The following ALOX15 variants were observed in gnomAD, a reference collection of about 807,000 sequenced individuals.
The protein encoded by ALOX15 is arachidonate 15-lipoxygenase.
ALOX15 carries 68 observed loss-of-function variants against 71.7 expected under a neutral mutation model. The ratio of observed to expected loss-of-function variants is 0.95; its 90% CI spans 0.78 to 1.16. ALOX15 has a LOEUF of 1.16. ALOX15 is among the 50% of genes most tolerant of loss of function. The probability of loss-of-function intolerance (pLI) is 0.00; values close to 1 mark genes in which losing one functional copy is unlikely to be tolerated. For synonymous variants in ALOX15, 346 were observed against 333.3 expected, an observed-to-expected ratio of 1.04 and a Z score of -0.42; for missense variants, 798 against 818.8, an observed-to-expected ratio of 0.97 and a Z score of 0.31.
intron 2 of ALOX15, 63 bp from the exon 3 acceptor site, chr17:4,639,195 A>C: frequency 6.3e-7 from 1 of 1,590,696 alleles, no homozygotes; most frequent in Non-Finnish European, 8.6e-7. Flanking sequence ...TGTCTCTGCC[A>C]GGAGAGCCTC....
At chr17:4,632,327 G>A in intron 11 of ALOX15, 46 bp from the exon 12 acceptor site, 1 of 1,518,190 alleles carries the variant, frequency 6.6e-7, no homozygotes, top group Non-Finnish European at 9.1e-7. Context: ...CAGGAGTAGG[G>A]CAGCGCTCAG....
In ALOX15 at chr17:4,635,785, G is replaced by A; in HGVS notation, c.1135C>T (p.Leu379=). 2 of 1,614,220 alleles carry A rather than the reference G, an allele frequency of 1.2e-6. No individual in the cohort carries two copies. The highest frequency in any genetic ancestry group is 2.2e-5 in the South Asian group (2 of 91,078). Residue 379 remains leucine (L), a synonymous_variant, in exon 8 of 14, where the codon CTG becomes TTG. Coordinates refer to ENST00000293761, the MANE Select transcript of ALOX15 (RefSeq NM_001140.5). ...EVIVVATMRC[L]PSIHPIFKLI... ...TTGAAGATAGGATGTATCGACGGCA[G>A]GCACCTCATGGTGGCCACAACAATG...
At chr17:4,638,752 C>T (rs943843369) in intron 4 of ALOX15, 68 bp from the exon 5 acceptor site, 1 of 1,613,200 alleles carries the variant, frequency 6.2e-7, no homozygotes. Context: ...ACCACAGGCA[C>T]CGATCCTGGG....
Position 4,639,619 on chromosome 17 carries a change from T to C in ALOX15, c.148A>G (p.Lys50Glu), listed in dbSNP as rs768910071. ...CCCAGATACTCCGGTACTTCCACCT[T>C]GAGTTCTGTCTCCTGCGGGCGACAG... ...WPARGKETEL[K>E]VEVPEYLGPL... is the part of the protein sequence containing the mutation. Residue 50 changes from lysine (K) to glutamate (E), a missense_variant, in exon 2 of 14, where the codon AAG becomes GAG. By Grantham distance (56) the Lys-to-Glu change is moderately conservative. Transcript: ENST00000293761. 1.2e-6 allele frequency: 2 copies of C among 1,612,126 alleles called. No homozygotes were observed. The highest frequency in any genetic ancestry group is 3.3e-5 in the Admixed American group (2 of 59,756).
At position 4,633,168 on chromosome 17, in the gene ALOX15, G is replaced by T. The variant is rs144526853; in HGVS notation, c.1396C>A (p.Arg466=). 2.5e-6 allele frequency: 4 copies of T among 1,614,042 alleles called. No individual in the cohort carries two copies. Among genetic ancestry groups the T allele is most frequent in the Non-Finnish European group, 3.4e-6 (4 of 1,179,968 alleles). ...CACCGATAGATGATTTCCCAGAGCC[G>T]CAGCGCATCTTGGGCATAGAAGGAA... ...KSSFYAQDAL[R]LWEIIYRYVE... Residue 466 remains arginine, a synonymous_variant, in exon 10 of 14, where the codon CGG becomes AGG. Transcript: ENST00000293761.
rs780570555 is a variant in ALOX15 at position 4,633,378 on chromosome 17, AAGAC to A, written c.1248+32_1248+35del. On this transcript the variant is annotated intron_variant, in intron 9 of 13. Transcript: ENST00000293761. ...CTGCCCTGAATCCAGAGCTGGAAAA[AAGAC>A]AGACCCAGAATCTCCCTTTCTCTTC... is the stretch of plus-strand genomic sequence containing the variant. The A allele has an allele frequency of 2.4e-5, 38 of 1,611,980 alleles. No individual in the cohort carries two copies. In the East Asian group the frequency reaches 8.3e-4, roughly 35 times the overall value.
intron 7 of ALOX15, among the ~76,000 whole-genome samples, chr17:4,636,524 G>C (rs1382564745): frequency 6.6e-6 from 1 of 152,014 alleles, no homozygotes; most frequent in Non-Finnish European, 1.5e-5. Flanking sequence ...TCTCCATCCT[G>C]ATGGTCACTA....
rs965638006 is a variant in ALOX15 at position 4,633,505 on chromosome 17, A to G, written c.1162-5T>C. ...TCGCAGGTGGGGAATTATAAGCTAG[A>G]GGGAGAAACACAGGGAAGGGCAGAG... On this transcript the variant is annotated splice_polypyrimidine_tract_variant and splice_region_variant and intron_variant, in intron 8 of 13. Coordinates refer to ENST00000293761, the MANE Select transcript of ALOX15 (RefSeq NM_001140.5). 9 of 1,612,372 alleles carry G rather than the reference A, an allele frequency of 5.6e-6. No homozygotes were observed. The highest frequency in any genetic ancestry group is 1.7e-4 in the Middle Eastern group (1 of 6,050).
chr17:4,633,100 T>C, intron 10 of ALOX15, 46 bp downstream of exon 10: 1 of 1,608,234 alleles, frequency 6.2e-7, no homozygotes, highest in Non-Finnish European at 8.5e-7. Context: ...CTACATGTCT[T>C]CTCCACCCCC....
rs144526853 is a variant in ALOX15 at position 4,633,168 on chromosome 17, G to C, written c.1396C>G (p.Arg466Gly). Reference sequence around the variant, plus strand: ...CACCGATAGATGATTTCCCAGAGCCGCAGCGCATCTTGGGCATAGAAGGAA... The same window carrying C: ...CACCGATAGATGATTTCCCAGAGCCCCAGCGCATCTTGGGCATAGAAGGAA... ...KSSFYAQDAL[R>G]LWEIIYRYVE... is the part of the protein sequence containing the mutation. Residue 466 changes from arginine to glycine, a missense_variant, in exon 10 of 14, where the codon CGG becomes GGG. Transcript: ENST00000293761. 2 of 1,613,924 alleles carry C rather than the reference G, an allele frequency of 1.2e-6. No individual in the cohort carries two copies. Among genetic ancestry groups the C allele is most frequent in the South Asian group, 2.2e-5 (2 of 91,076 alleles).
At position 4,637,195 on chromosome 17, in the gene ALOX15, A is replaced by C. The variant is rs1452188483; in HGVS notation, c.871T>G (p.Cys291Gly). The C allele has an allele frequency of 6.2e-7, 1 of 1,614,096 alleles. No individual in the cohort carries two copies. Among genetic ancestry groups the C allele is most frequent in the Non-Finnish European group, 8.5e-7 (1 of 1,179,970 alleles). ...GGGGCAGCCAGGTGCTGCTGGCTACAGAGAATGACGTTGGCCTTGATCCCA... is the reference window on the plus strand; with the variant it reads ...GGGGCAGCCAGGTGCTGCTGGCTACCGAGAATGACGTTGGCCTTGATCCCA... ...LDGIKANVIL[C>G]SQQHLAAPLV... Residue 291 changes from cysteine (C) to glycine (G), a missense_variant, in exon 7 of 14, where the codon TGT becomes GGT. Physicochemically the swap from Cys to Gly is radical, Grantham distance 159. Coordinates refer to ENST00000293761, the MANE Select transcript of ALOX15 (RefSeq NM_001140.5).
Position 4,632,845 on chromosome 17 carries a change from C to G in ALOX15, c.1540+16G>C. On this transcript the variant is annotated intron_variant, in intron 11 of 13. Coordinates refer to ENST00000293761, the MANE Select transcript of ALOX15 (RefSeq NM_001140.5). ...GGGCTTTGTGTCTGAGATCTCAGGG[C>G]AGGGGCTCCTCTTACCTCGGTCCTG... The G allele has an allele frequency of 6.2e-7, 1 of 1,614,042 alleles. No homozygotes were observed.
At position 4,631,501 on chromosome 17, in the gene ALOX15, G is replaced by A. The variant is rs1455697869; in HGVS notation, c.*99C>T. On this transcript the variant is annotated 3_prime_UTR_variant, in exon 14 of 14. Transcript: ENST00000293761. The stretch of plus-strand genomic sequence containing the variant: ...TGCCCCTCTAGGGAGGGTGGGACAT[G>A]GGAAGAGGGTGGGACTTGGGAGGGC... 1.4e-6 allele frequency: 2 copies of A among 1,438,290 alleles called. No individual in the cohort carries two copies. Among genetic ancestry groups the A allele is most frequent in the South Asian group, 1.3e-5 (1 of 75,770 alleles). 89.1% of individuals were successfully genotyped at this position (1,438,290 alleles called of 1,614,324 possible).
chr17:4,637,294 A>G, intron 6 of ALOX15, 36 bp from the exon 7 acceptor site: 1 of 1,577,908 alleles, frequency 6.3e-7, no homozygotes, highest in Non-Finnish European at 8.6e-7. Context: ...TGCTATCAAC[A>G]TAAAGCATCT....
intron 8 of ALOX15, among the ~76,000 whole-genome samples, chr17:4,633,931 C>T (rs559224556): frequency 9.7e-4 from 147 of 152,268 alleles, no homozygotes; most frequent in Non-Finnish European, 4.4e-5. Context: ...AACACTGGAA[C>T]AGAAAGCCAA....
chr17:4,637,612 C>T (rs138677906), intron 6 of ALOX15, among the ~76,000 whole-genome samples: 1,837 of 152,184 alleles, frequency 0.012, 35 homozygotes, highest in African/African-American at 0.041. Context: ...CAGGGTTTCA[C>T]CACGTTGCCT....
intron 7 of ALOX15, 90 bp downstream of exon 7, chr17:4,637,025 C>A (rs1567647986): frequency 1.3e-6 from 2 of 1,490,184 alleles, no homozygotes; most frequent in Non-Finnish European, 1.8e-6. Context: ...TAGCCCAGTG[C>A]CTTTGCAGAT....
At chr17:4,633,872 T>C (rs1315505585) in intron 8 of ALOX15, among the ~76,000 whole-genome samples, 1 of 152,194 alleles carries the variant, frequency 6.6e-6, no homozygotes, top group Non-Finnish European at 1.5e-5. Context: ...AAGATCATGT[T>C]CTCTGCAGCA....
In ALOX15 at chr17:4,631,503, G is replaced by C; in HGVS notation, c.*97C>G. The C allele has an allele frequency of 6.9e-7, 1 of 1,441,574 alleles. No homozygotes were observed. Among genetic ancestry groups the C allele is most frequent in the Non-Finnish European group, 9.3e-7 (1 of 1,070,166 alleles). The allele number at this position is 1,441,574 out of a possible 1,614,324, so 89.3% of individuals were successfully genotyped here. A position where few individuals can be genotyped will look rare whatever the true frequency, so the allele number is the denominator to read the frequency against. ...CCCCTCTAGGGAGGGTGGGACATGGGAAGAGGGTGGGACTTGGGAGGGCAG... is the reference window on the plus strand; with the variant it reads ...CCCCTCTAGGGAGGGTGGGACATGGCAAGAGGGTGGGACTTGGGAGGGCAG... On this transcript the variant is annotated 3_prime_UTR_variant, in exon 14 of 14. Coordinates refer to ENST00000293761, the MANE Select transcript of ALOX15 (RefSeq NM_001140.5).
Sources: gnomAD v4.1 joint callset for allele counts (sites outside exome capture counted in the v4.1 genomes callset) on GRCh38, gnomAD v4.1.1 for gene constraint, MANE v1.5 for transcripts, NCBI Gene and HGNC (gene_info 2026-07-23, HGNC 2026-07-21) for gene names.